The following RAP1GDS1 variants were observed in gnomAD, a reference collection of about 807,000 sequenced individuals.
RAP1GDS1 encodes RAP1, GTP-GDP dissociation stimulator 1.
Under a neutral mutation model 71.1 loss-of-function variants are expected in RAP1GDS1, and 35 were observed. The ratio of observed to expected loss-of-function variants is 0.49; its 90% CI spans 0.38 to 0.65. The LOEUF is 0.65. RAP1GDS1 is among the 30% of genes least tolerant of loss of function. RAP1GDS1 has a pLI of 0.00. For synonymous variants in RAP1GDS1, 229 were observed against 243.1 expected (o/e 0.94, Z 0.54); for missense variants, 663 against 706.1 (o/e 0.94, Z 0.69).
chr4:98,305,245 A>G (rs1729155059), intron 2 of RAP1GDS1, among the ~76,000 whole-genome samples: 1 of 152,168 alleles, frequency 6.6e-6, no homozygotes, highest in Admixed American at 6.5e-5. Flanking sequence ...CACTGAATTT[A>G]TAAATTACTT....
At chr4:98,318,643 A>G (rs1005394324) in intron 2 of RAP1GDS1, among the ~76,000 whole-genome samples, 1 of 152,152 alleles carries the variant, frequency 6.6e-6, no homozygotes, top group Non-Finnish European at 1.5e-5. Flanking sequence ...CAGGACAAAG[A>G]TCATTTGCTT....
chr4:98,343,116 C>G, intron 2 of RAP1GDS1, 23 bp from the exon 3 acceptor site: 1 of 1,577,298 alleles, frequency 6.3e-7, no homozygotes, highest in Non-Finnish European at 8.6e-7. Context: ...TTCACTGAAG[C>G]TCTTTGTATG....
At chr4:98,317,881 G>A (rs1191962622) in intron 2 of RAP1GDS1, among the ~76,000 whole-genome samples, 4 of 139,828 alleles carry the variant, frequency 2.9e-5, no homozygotes, top group East Asian at 2.0e-4. Context: ...TTGCTCTGTC[G>A]CCCAGGCCGG....
chr4:98,417,088 T>G (rs1748146833), intron 8 of RAP1GDS1, among the ~76,000 whole-genome samples, 200 bp downstream of exon 8: 1 of 152,156 alleles, frequency 6.6e-6, no homozygotes, highest in Non-Finnish European at 1.5e-5. Flanking sequence ...TTCACTATCT[T>G]CCAGTATTTG....
At chr4:98,419,937 AC>A (rs1202914487) in intron 10 of RAP1GDS1, 81 bp from the exon 11 acceptor site, 2 of 1,241,912 alleles carry the variant, frequency 1.6e-6, no homozygotes, top group Non-Finnish European at 2.2e-6. Flanking sequence ...TCTTAAAGAT[AC>A]TTAATAAACC....
intron 14 of RAP1GDS1, 130 bp from the exon 15 acceptor site, chr4:98,441,860 C>A: frequency 9.9e-7 from 1 of 1,014,184 alleles, no homozygotes; most frequent in Non-Finnish European, 1.4e-6. Context: ...TAGGCTACTG[C>A]TATGTCTTTT....
chr4:98,440,612 T>C (rs1431434489), intron 14 of RAP1GDS1, among the ~76,000 whole-genome samples: 1 of 152,210 alleles, frequency 6.6e-6, no homozygotes, highest in Non-Finnish European at 1.5e-5. Context: ...GGAATCTTTT[T>C]ATGTGTTTGT....
At chr4:98,405,064 A>G (rs1389527872) in intron 7 of RAP1GDS1, among the ~76,000 whole-genome samples, 2 of 152,188 alleles carry the variant, frequency 1.3e-5, no homozygotes, top group Admixed American at 1.3e-4. Context: ...TTTCAAATAT[A>G]ATGTCTAACA....
chr4:98,261,729 C>T, intron 1 of RAP1GDS1, 160 bp downstream of exon 1: 1 of 1,001,932 alleles, frequency 1.0e-6, no homozygotes, highest in Non-Finnish European at 1.4e-6. Context: ...ACGCGGAACG[C>T]ACGCCGGGTG....
intron 12 of RAP1GDS1, among the ~76,000 whole-genome samples, chr4:98,429,017 G>A (rs905964931): frequency 1.3e-5 from 2 of 152,064 alleles, no homozygotes; most frequent in Non-Finnish European, 2.9e-5. Context: ...CCAACACTAT[G>A]GGAGGACGAG....
At chr4:98,367,604 C>A (rs969097050) in intron 4 of RAP1GDS1, among the ~76,000 whole-genome samples, 2 of 152,192 alleles carry the variant, frequency 1.3e-5, no homozygotes, top group Non-Finnish European at 2.9e-5. Context: ...CTATACCCTG[C>A]AAACAAGAGG....
At position 98,340,700 on chromosome 4, in the gene RAP1GDS1, G is replaced by C. The variant is rs79038430; in HGVS notation, c.113-2439G>C. Among the ~76,000 whole-genome samples, 580 of 152,134 alleles carry C rather than the reference G, an allele frequency of 3.8e-3. 6 individuals are homozygous for C. The highest frequency in any genetic ancestry group is 0.013 in the African/African-American group (555 of 41,486). ...AGAGGCAGAGTTTGCAGTGAGCTGA[G>C]ATCACACCACTTCACTCCAGCCTAG... On this transcript the variant is annotated intron_variant, in intron 2 of 14. Transcript: ENST00000408927.
At chr4:98,438,590 C>CTATCTTTT (rs1751474979) in intron 14 of RAP1GDS1, among the ~76,000 whole-genome samples, 2 of 62,572 alleles carry the variant, frequency 3.2e-5, no homozygotes, top group African/African-American at 1.6e-4. Flanking sequence ...ATATATATAT[C>CTATCTTTT]TTTTTTTTTT....
At chr4:98,380,948 C>G (rs1741912402) in intron 5 of RAP1GDS1, among the ~76,000 whole-genome samples, 1 of 151,598 alleles carries the variant, frequency 6.6e-6, no homozygotes, top group African/African-American at 2.4e-5. Context: ...GGCTGGTCTT[C>G]AAAAGCATCA....
intron 4 of RAP1GDS1, among the ~76,000 whole-genome samples, chr4:98,371,542 T>C (rs1029667237): frequency 2.6e-4 from 40 of 152,106 alleles, no homozygotes; most frequent in Admixed American, 2.6e-3. Context: ...AGTGGTGCGA[T>C]CTTGGCTCAC....
intron 6 of RAP1GDS1, 199 bp downstream of exon 6, chr4:98,392,279 A>G (rs1297823650): frequency 2.4e-6 from 1 of 419,686 alleles, no homozygotes; most frequent in African/African-American, 2.1e-5. Flanking sequence ...AGAGCGTTTT[A>G]TTTCCCTAAT....
At chr4:98,424,797 TTTTGGAAAACATA>T (rs1749387615) in intron 12 of RAP1GDS1, among the ~76,000 whole-genome samples, 1 of 149,848 alleles carries the variant, frequency 6.7e-6, no homozygotes, top group African/African-American at 2.5e-5. Flanking sequence ...CAAAGAAAAC[TTTTGGAAAACATA>T]TTTGGGAGAA....
intron 13 of RAP1GDS1, among the ~76,000 whole-genome samples, chr4:98,436,448 T>C (rs560570244): frequency 9.2e-4 from 140 of 152,340 alleles, no homozygotes; most frequent in African/African-American, 3.2e-3. Context: ...TAGTATAAGC[T>C]TGTATATTTT....
In RAP1GDS1 at chr4:98,261,410, C is replaced by G; in HGVS notation, c.-156C>G. 1 of 393,660 alleles carries G rather than the reference C, an allele frequency of 2.5e-6. No homozygotes were observed. Among genetic ancestry groups the G allele is most frequent in the Non-Finnish European group, 3.9e-6 (1 of 258,270 alleles). The allele number at this position is 393,660 out of a possible 1,614,324, so 24.4% of individuals were successfully genotyped here. On this transcript the variant is annotated 5_prime_UTR_variant, in exon 1 of 15. Coordinates refer to ENST00000408927, the MANE Select transcript of RAP1GDS1 (RefSeq NM_001100427.2). ...CTCGTCCCCGCCGCGGCCGCGCCGC[C>G]TGCAGCAGCACCAGCTGCTCCTCCC... is the stretch of plus-strand genomic sequence containing the variant.
Sources: gnomAD v4.1 joint callset for allele counts (sites outside exome capture counted in the v4.1 genomes callset) on GRCh38, gnomAD v4.1.1 for gene constraint, MANE v1.5 for transcripts, NCBI Gene and HGNC (gene_info 2026-07-23, HGNC 2026-07-21) for gene names.